SYT1: variants seen among roughly 807,000 people sequenced by gnomAD.
SYT1 encodes the protein synaptotagmin-1.
SYT1 carries 8 observed loss-of-function variants against 44.8 expected under a neutral mutation model. The observed-to-expected ratio is 0.18, with a 90% CI of 0.10 to 0.32. The LOEUF (loss-of-function observed/expected upper bound fraction) is 0.32. SYT1 is among the 10% of genes least tolerant of loss of function. SYT1 has a pLI of 1.00. For missense variants in SYT1, 286 were observed against 509.3 expected, an observed-to-expected ratio of 0.56 and a Z score of 4.22; for synonymous variants, 154 against 188.8, an observed-to-expected ratio of 0.82 and a Z score of 1.51.
chr12:78,970,330 G>A (rs780005030), intron 1 of SYT1, among the ~76,000 whole-genome samples: 2 of 152,132 alleles, frequency 1.3e-5, no homozygotes, highest in East Asian at 1.9e-4. Context: ...AATAAAGAAA[G>A]CAAGGTTATG....
chr12:79,017,235 T>C (rs1657718863), intron 2 of SYT1, among the ~76,000 whole-genome samples: 1 of 152,162 alleles, frequency 6.6e-6, no homozygotes, highest in African/African-American at 2.4e-5. Context: ...GAAATAATTG[T>C]AGTACATTCA....
At chr12:79,366,635 T>G (rs1883554379) in intron 9 of SYT1, among the ~76,000 whole-genome samples, 1 of 152,224 alleles carries the variant, frequency 6.6e-6, no homozygotes, top group Admixed American at 6.5e-5. Context: ...GAGCAGCAAC[T>G]GGCCCTGGAA....
chr12:78,968,949 A>G (rs923639525), intron 1 of SYT1, among the ~76,000 whole-genome samples: 2 of 152,222 alleles, frequency 1.3e-5, no homozygotes, highest in South Asian at 2.1e-4. Context: ...GAACAAGTAA[A>G]CAAATTCTAT....
At chr12:79,136,447 A>G (rs1869195624) in intron 3 of SYT1, among the ~76,000 whole-genome samples, 1 of 152,206 alleles carries the variant, frequency 6.6e-6, no homozygotes, top group Non-Finnish European at 1.5e-5. Context: ...GCCAACCTTG[A>G]CCAGCTGTAA....
Position 79,139,103 on chromosome 12 carries a change from C to T in SYT1, c.-17-78400C>T, listed in dbSNP as rs1592784050. 1.3e-5 allele frequency among the ~76,000 whole-genome samples: 2 copies of T among 152,298 alleles called. 1 individual carries two copies. Among genetic ancestry groups the T allele is most frequent in the South Asian group, 4.1e-4 (2 of 4,822 alleles). ...ACACATGTCCCGTAGCTCTGGCCCC[C>T]ACACAGAAACAACATCCAAGATGTC... On this transcript the variant is annotated intron_variant, in intron 3 of 10. Transcript: ENST00000261205.
intron 3 of SYT1, among the ~76,000 whole-genome samples, chr12:79,141,703 T>C (rs955769411): frequency 6.6e-6 from 1 of 152,196 alleles, no homozygotes; most frequent in African/African-American, 2.4e-5. Flanking sequence ...TACTAAAATG[T>C]ATATAAACTG....
chr12:79,419,279 T>C (rs1159773243), intron 9 of SYT1: 1 of 525,872 alleles, frequency 1.9e-6, no homozygotes, highest in East Asian at 5.5e-5. Flanking sequence ...ATTGAATTCA[T>C]TTAGAAAAGA....
chr12:79,241,976 G>T lies in SYT1; in HGVS notation c.166+24291G>T, dbSNP rs576326094. On this transcript the variant is annotated intron_variant, in intron 4 of 10. Coordinates refer to ENST00000261205, the MANE Select transcript of SYT1 (RefSeq NM_005639.3). Reference sequence around the variant, plus strand: ...TAGAGTGATACATCTATAAGCCTAGGAACACCAAGGATTACTGGCAACACC... The same window carrying T: ...TAGAGTGATACATCTATAAGCCTAGTAACACCAAGGATTACTGGCAACACC... 2.0e-5 allele frequency among the ~76,000 whole-genome samples: 3 copies of T among 152,302 alleles called. No individual in the cohort carries two copies. The South Asian group carries it at 6.2e-4, about 32-fold the overall frequency.
chr12:78,943,858 T>G (rs1878514226), intron 1 of SYT1, among the ~76,000 whole-genome samples: 1 of 152,220 alleles, frequency 6.6e-6, no homozygotes, highest in South Asian at 2.1e-4. Context: ...GACATAAAAT[T>G]GGCATTGTTA....
chr12:78,901,114 T>G (rs1000307812), intron 1 of SYT1, among the ~76,000 whole-genome samples: 2 of 152,038 alleles, frequency 1.3e-5, no homozygotes, highest in Non-Finnish European at 2.9e-5. Flanking sequence ...ATTAATCCAT[T>G]GCTTCTCTAA....
At chr12:79,214,847 A>G (rs1454950902) in intron 3 of SYT1, among the ~76,000 whole-genome samples, 1 of 152,178 alleles carries the variant, frequency 6.6e-6, no homozygotes, top group Admixed American at 6.5e-5. Context: ...ACTATCCTGT[A>G]CAGAGATAAG....
intron 3 of SYT1, among the ~76,000 whole-genome samples, chr12:79,128,380 T>TCAAA (rs1398652521): frequency 4.6e-5 from 7 of 152,070 alleles, no homozygotes; most frequent in Admixed American, 2.0e-4. Flanking sequence ...AGATTCAGTC[T>TCAAA]CAAACAAACA....
chr12:79,314,168 C>CAAAAAAA (rs34951756), intron 8 of SYT1, among the ~76,000 whole-genome samples: 1 of 67,298 alleles, frequency 1.5e-5, no homozygotes, highest in African/African-American at 6.3e-5. Context: ...GACTCCGTCT[C>CAAAAAAA]AAAAAAAAAA....
chr12:79,166,404 G>T (rs575379785), intron 3 of SYT1, among the ~76,000 whole-genome samples: 5 of 151,912 alleles, frequency 3.3e-5, no homozygotes, highest in African/African-American at 9.6e-5. Context: ...AATAATATTG[G>T]TCTCTTCATA....
chr12:79,102,012 A>C (rs1276202381), intron 3 of SYT1, among the ~76,000 whole-genome samples: 2 of 152,124 alleles, frequency 1.3e-5, no homozygotes, highest in African/African-American at 4.8e-5. Flanking sequence ...CAAAATCTTA[A>C]AATTACCTAT....
Position 78,919,651 on chromosome 12 carries a change from G to C in SYT1, c.-217+54542G>C, listed in dbSNP as rs374631576. On this transcript the variant is annotated intron_variant, in intron 1 of 10. Transcript: ENST00000261205. The stretch of plus-strand genomic sequence containing the variant: ...TGCATGTATATTTACTGCTTCCTTT[G>C]GCTTCTAGTGAAGGCATTTCTCATA... Among the ~76,000 whole-genome samples the C allele has an allele frequency of 2.0e-5, 3 of 152,092 alleles. No homozygotes were observed. The South Asian group carries it at 6.2e-4, about 32-fold the overall frequency.
intron 8 of SYT1, among the ~76,000 whole-genome samples, chr12:79,324,502 G>C (rs1052399931): frequency 6.6e-6 from 1 of 152,144 alleles, no homozygotes; most frequent in East Asian, 1.9e-4. Flanking sequence ...TTGTAACTTA[G>C]ATCCATCTGG....
intron 3 of SYT1, among the ~76,000 whole-genome samples, chr12:79,088,233 G>A (rs1877515641): frequency 1.3e-5 from 2 of 151,940 alleles, no homozygotes; most frequent in South Asian, 4.2e-4. Context: ...CTAGTTACTA[G>A]CCAGTTATTA....
At chr12:79,260,939 C>T (rs1314556750) in intron 4 of SYT1, among the ~76,000 whole-genome samples, 8 of 151,942 alleles carry the variant, frequency 5.3e-5, no homozygotes, top group South Asian at 2.1e-4. Context: ...TTGGTGAGTC[C>T]GTCTACCTGC....
Sources: gnomAD v4.1 joint callset for allele counts (sites outside exome capture counted in the v4.1 genomes callset) on GRCh38, gnomAD v4.1.1 for gene constraint, MANE v1.5 for transcripts, NCBI Gene and HGNC (gene_info 2026-07-23, HGNC 2026-07-21) for gene names.